SERPINA4: variants seen among roughly 807,000 people sequenced by gnomAD.
SERPINA4 encodes serpin family A member 4.
In SERPINA4, 24 loss-of-function variants were observed where a neutral mutation model predicts 25.4. The ratio of observed to expected loss-of-function variants is 0.95; its 90% CI spans 0.69 to 1.33. The LOEUF (loss-of-function observed/expected upper bound fraction) is 1.33. Ranked by LOEUF, SERPINA4 falls within the 40% of genes most tolerant of loss-of-function variation. SERPINA4 has a pLI of 0.00. For synonymous variants in SERPINA4, 242 were observed against 223.6 expected (o/e 1.08, Z -0.73); for missense variants, 553 against 535.8 (o/e 1.03, Z -0.32).
rs575073237 is a variant in SERPINA4 at position 94,562,825 on chromosome 14, C to T, written c.-17-641C>T. ...ATGAAACGGGTACCAATTCTATCCC[C>T]ACAACTTTGGGCAGGTCACTTATTA... On this transcript the variant is annotated intron_variant, in intron 1 of 4. Coordinates refer to ENST00000557004, the MANE Select transcript of SERPINA4 (RefSeq NM_006215.4). Among the ~76,000 whole-genome samples, 9 of 152,210 alleles carry T rather than the reference C, an allele frequency of 5.9e-5. 1 individual carries two copies. In the South Asian group the frequency reaches 1.5e-3, roughly 25 times the overall value.
rs1418476627 is a variant in SERPINA4 at position 94,566,968 on chromosome 14, A to G, written c.650-2A>G. 2 of 1,611,648 alleles carry G rather than the reference A, an allele frequency of 1.2e-6. No homozygotes were observed. The highest frequency in any genetic ancestry group is 1.3e-5 in the African/African-American group (1 of 74,842). ...TGTACCTTCTTTTCATCTTCCCTTC[A>G]GCCCTGTGGGAGAAACCATTCATTT... On this transcript the variant is annotated splice_acceptor_variant, in intron 2 of 4. Coordinates refer to ENST00000557004, the MANE Select transcript of SERPINA4 (RefSeq NM_006215.4). LOFTEE classifies it high-confidence loss of function.
Position 94,563,937 on chromosome 14 carries a change from T to C in SERPINA4, c.455T>C (p.Leu152Pro). 3.1e-6 allele frequency: 5 copies of C among 1,614,200 alleles called. No homozygotes were observed. Among genetic ancestry groups the C allele is most frequent in the Non-Finnish European group, 4.2e-6 (5 of 1,180,038 alleles). The change falls in exon 2 of 5, where the codon CTT (leucine) becomes CCT (proline). Residue 152 changes from leucine (L) to proline (P), a missense_variant. Coordinates refer to ENST00000557004, the MANE Select transcript of SERPINA4 (RefSeq NM_006215.4). ...ALFLSHNLKF[L>P]AKFLNDTMAV... ...TTCCTGAGCCACAACCTGAAGTTCC[T>C]TGCAAAATTCCTGAATGACACCATG...
intron 4 of SERPINA4, among the ~76,000 whole-genome samples, chr14:94,568,874 A>AAAAAAAG (rs77406709): frequency 2.6e-4 from 38 of 146,258 alleles, no homozygotes; most frequent in African/African-American, 2.8e-4. Flanking sequence ...TCTCAAAAAA[A>AAAAAAAG]AAAAAAAAGA....
intron 2 of SERPINA4, 116 bp from the exon 3 acceptor site, chr14:94,566,854 G>T: frequency 1.6e-6 from 2 of 1,231,332 alleles, no homozygotes; most frequent in Admixed American, 4.6e-5. Flanking sequence ...GGGCTCATAG[G>T]GCAGGATCTG....
rs1595068296 is a variant in SERPINA4, at chr14:94,569,314, T to C, written c.1084-81T>C. 4.7e-6 allele frequency: 6 copies of C among 1,283,244 alleles called. No individual in the cohort carries two copies. In the East Asian group the frequency reaches 1.5e-4, roughly 31 times the overall value. 79.5% of individuals were successfully genotyped at this position (1,283,244 alleles called of 1,614,324 possible). A position where few individuals can be genotyped will look rare whatever the true frequency, so the allele number is the denominator to read the frequency against. On this transcript the variant is annotated intron_variant, in intron 4 of 4. Transcript: ENST00000557004. The stretch of plus-strand genomic sequence containing the variant: ...GGCTGTTATGTGCAATATTATTCCC[T>C]AGCAATTTCTGGCTCTCGCAGTCTT...
chr14:94,567,694 A>G (rs1902263759), intron 3 of SERPINA4, among the ~76,000 whole-genome samples: 7 of 152,346 alleles, frequency 4.6e-5, no homozygotes, highest in Middle Eastern at 6.8e-3. Context: ...TCAACCATAT[A>G]TAAGAAAAGG....
At chr14:94,564,346 T>G (rs902621455) in intron 2 of SERPINA4, among the ~76,000 whole-genome samples, 5 of 152,218 alleles carry the variant, frequency 3.3e-5, no homozygotes, top group Non-Finnish European at 5.9e-5. Flanking sequence ...AGACATATTT[T>G]CTTCATAAAA....
Position 94,568,297 on chromosome 14 carries a change from T to C in SERPINA4, c.1083+9T>C, listed in dbSNP as rs909725026. ...AACTGGAGGCATCCAAAGTAAGTCGTCAACAGTCAGCAATCCCTAGAGAAC... is the reference window on the plus strand; with the variant it reads ...AACTGGAGGCATCCAAAGTAAGTCGCCAACAGTCAGCAATCCCTAGAGAAC... On this transcript the variant is annotated intron_variant, in intron 4 of 4. Coordinates refer to ENST00000557004, the MANE Select transcript of SERPINA4 (RefSeq NM_006215.4). 42 of 1,613,936 alleles carry C rather than the reference T, an allele frequency of 2.6e-5. No homozygotes were observed. Among genetic ancestry groups the C allele is most frequent in the Non-Finnish European group, 3.3e-5 (39 of 1,180,016 alleles).
chr14:94,563,832 T>C lies in SERPINA4; in HGVS notation c.350T>C (p.Val117Ala). 2 of 1,614,140 alleles carry C rather than the reference T, an allele frequency of 1.2e-6. No homozygotes were observed. Among genetic ancestry groups the C allele is most frequent in the South Asian group, 2.2e-5 (2 of 91,072 alleles). The change falls in exon 2 of 5, where the codon GTC (valine) becomes GCC (alanine). Residue 117 changes from valine to alanine, a missense_variant. Transcript: ENST00000557004. The part of the protein sequence containing the change: ...FNLTELSESD[V>A]HRGFQHLLHT... ...CTCACCGAGCTGTCTGAGTCCGATG[T>C]CCATAGGGGCTTCCAGCACCTCCTG...
chr14:94,569,740 C>T lies in SERPINA4; in HGVS notation c.*145C>T, dbSNP rs1022661806. The T allele has an allele frequency of 4.7e-5, 38 of 814,882 alleles. No individual in the cohort carries two copies. The highest frequency in any genetic ancestry group is 3.4e-4 in the African/African-American group (20 of 58,394). The allele number at this position is 814,882 out of a possible 1,614,324, so 50.5% of individuals were successfully genotyped here. A position where few individuals can be genotyped will look rare whatever the true frequency, so the allele number is the denominator to read the frequency against. On this transcript the variant is annotated 3_prime_UTR_variant, in exon 5 of 5. Coordinates refer to ENST00000557004, the MANE Select transcript of SERPINA4 (RefSeq NM_006215.4). ...ACAGCAGGTGCTGGCCGGTGGGGAG[C>T]GGGGAGGGGCACTGAGATGGGCAGG...
intron 2 of SERPINA4, among the ~76,000 whole-genome samples, chr14:94,565,271 G>A (rs1902167959): frequency 1.3e-5 from 2 of 152,166 alleles, no homozygotes; most frequent in Non-Finnish European, 1.5e-5. Flanking sequence ...TGGGGCTGCT[G>A]TTGTTTAGTG....
At chr14:94,565,246 G>T (rs1283262639) in intron 2 of SERPINA4, among the ~76,000 whole-genome samples, 2 of 152,224 alleles carry the variant, frequency 1.3e-5, no homozygotes, top group African/African-American at 4.8e-5. Flanking sequence ...TCACTGCATA[G>T]TTTCTGTGGT....
chr14:94,561,754 C>A (rs1236905428), intron 1 of SERPINA4: 1 of 1,289,656 alleles, frequency 7.8e-7, no homozygotes, highest in Non-Finnish European at 1.0e-6. Flanking sequence ...CAGGGACACA[C>A]AGCTGGTACA....
In SERPINA4 at chr14:94,568,642, G is replaced by A. The variant is rs544780781; in HGVS notation, c.1083+354G>A. 2.0e-5 allele frequency among the ~76,000 whole-genome samples: 3 copies of A among 152,236 alleles called. No individual in the cohort carries two copies. The South Asian group carries it at 6.2e-4, about 32-fold the overall frequency. ...GGCCAAGGCAGGCAGATCACTTGAG[G>A]TCAGGAGTTTGAGACCAGCTTGGCC... On this transcript the variant is annotated intron_variant, in intron 4 of 4. Coordinates refer to ENST00000557004, the MANE Select transcript of SERPINA4 (RefSeq NM_006215.4).
In SERPINA4 at chr14:94,563,760, C is replaced by T; in HGVS notation, c.278C>T (p.Ala93Val). Residue 93 changes from alanine (A) to valine (V), a missense_variant, in exon 2 of 5, where the codon GCC (alanine) becomes GTC (valine). By Grantham distance (64) the Ala-to-Val change is moderately conservative. Transcript: ENST00000557004. ...GCCTACGCCATGCTTTCCCTGGGGGCCTGCTCACACAGCCGCAGCCAGATC... is the reference window on the plus strand; with the variant it reads ...GCCTACGCCATGCTTTCCCTGGGGGTCTGCTCACACAGCCGCAGCCAGATC... ...SAAYAMLSLG[A>V]CSHSRSQILE... 5 of 1,614,142 alleles carry T rather than the reference C, an allele frequency of 3.1e-6. No individual in the cohort carries two copies. Among genetic ancestry groups the T allele is most frequent in the Non-Finnish European group, 4.2e-6 (5 of 1,180,042 alleles).
At position 94,567,019 on chromosome 14, in the gene SERPINA4, C is replaced by T. The variant is rs5510; in HGVS notation, c.699C>T (p.Phe233=). The T allele has an allele frequency of 0.26, 415,132 of 1,613,876 alleles. 54,985 individuals are homozygous for T. Among genetic ancestry groups the T allele is most frequent in the South Asian group, 0.35 (31,469 of 91,068 alleles). ...CCTCAAGGACCACTCCCAAAGACTT[C>T]TATGTTGATGAGAACACAACAGTCC... ...FISSRTTPKD[F]YVDENTTVRV... Residue 233 remains phenylalanine, a synonymous_variant, in exon 3 of 5, where the codon TTC becomes TTT. Transcript: ENST00000557004.
At chr14:94,568,623 G>A (rs1178242666) in intron 4 of SERPINA4, among the ~76,000 whole-genome samples, 1 of 152,196 alleles carries the variant, frequency 6.6e-6, no homozygotes, top group African/African-American at 2.4e-5. Context: ...GGGAGGCCAA[G>A]GCAGGCAGAT....
At position 94,562,733 on chromosome 14, in the gene SERPINA4, C is replaced by A. The variant is rs192531026; in HGVS notation, c.-17-733C>A. ...CCTGACAACCGGATACTGGTGGGAC[C>A]ATTTGATGGGGCAGGAGCAGATTTG... On this transcript the variant is annotated intron_variant, in intron 1 of 4. Transcript: ENST00000557004. Among the ~76,000 whole-genome samples, 42 of 152,256 alleles carry A rather than the reference C, an allele frequency of 2.8e-4. No individual in the cohort carries two copies. In the South Asian group the frequency reaches 2.9e-3, roughly 11 times the overall value.
In SERPINA4 at chr14:94,564,012, G is replaced by A. The variant is rs1298427289; in HGVS notation, c.530G>A (p.Gly177Asp). 2.5e-6 allele frequency: 4 copies of A among 1,613,696 alleles called. No individual in the cohort carries two copies. The highest frequency in any genetic ancestry group is 3.4e-6 in the Non-Finnish European group (4 of 1,180,026). ...LFHTNFYDTVGTIQLINDHVK... is the reference protein window; with the variant it reads ...LFHTNFYDTVDTIQLINDHVK... Reference sequence around the variant, plus strand: ...CACACCAACTTCTACGACACTGTGGGCACAATCCAGCTTATCAACGACCAC... The same window carrying A: ...CACACCAACTTCTACGACACTGTGGACACAATCCAGCTTATCAACGACCAC... Residue 177 changes from glycine to aspartate, a missense_variant, in exon 2 of 5, where the codon GGC (glycine) becomes GAC (aspartate). Transcript: ENST00000557004.
Sources: allele counts gnomAD v4.1 joint callset (sites outside exome capture counted in the v4.1 genomes callset), GRCh38; gene constraint gnomAD v4.1.1; transcripts MANE v1.5; gene names NCBI Gene and HGNC (gene_info 2026-07-23, HGNC 2026-07-21).